FREM1: variants seen among roughly 807,000 people sequenced by gnomAD.
FREM1 encodes FRAS1 related extracellular matrix 1, also known as FRAS1-related extracellular matrix protein 1.
In FREM1, 220 loss-of-function variants were observed where a neutral mutation model predicts 210.1. The observed-to-expected ratio is 1.05, with a 90% confidence interval of 0.94 to 1.17. The LOEUF is 1.17. Ranked by LOEUF, FREM1 falls within the 50% of genes most tolerant of loss-of-function variation. FREM1 has a pLI of 0.00. For missense variants in FREM1, 3,454 were observed against 2,675.5 expected (o/e 1.29, Z -6.42); for synonymous variants, 1,189 against 980.2 (o/e 1.21, Z -3.98).
At chr9:14,869,551 T>C (rs1012112792) in intron 1 of FREM1, among the ~76,000 whole-genome samples, 2 of 152,236 alleles carry the variant, frequency 1.3e-5, no homozygotes, top group Non-Finnish European at 2.9e-5. Flanking sequence ...AGTGTGGCTT[T>C]TGTTCACTGA....
chr9:14,880,855 T>C (rs1457021708), intron 1 of FREM1, among the ~76,000 whole-genome samples: 1 of 152,216 alleles, frequency 6.6e-6, no homozygotes, highest in Admixed American at 6.5e-5. Context: ...TGTCATCATG[T>C]AATTATGTTG....
chr9:14,765,055 G>A (rs75373678), intron 27 of FREM1, among the ~76,000 whole-genome samples: 2 of 152,086 alleles, frequency 1.3e-5, no homozygotes, highest in South Asian at 4.1e-4. Context: ...TCAGCAAAAG[G>A]TTTACAGAAG....
chr9:14,877,380 C>T (rs1833952718), intron 1 of FREM1, among the ~76,000 whole-genome samples: 3 of 151,652 alleles, frequency 2.0e-5, no homozygotes, highest in African/African-American at 7.3e-5. Context: ...ACAGCAACTC[C>T]AACTTTTCAG....
In FREM1 at chr9:14,770,636, T is replaced by C. The variant is rs768267811; in HGVS notation, c.5028A>G (p.Pro1676=). 2.7e-5 allele frequency: 43 copies of C among 1,613,224 alleles called. No homozygotes were observed. Among genetic ancestry groups the C allele is most frequent in the African/African-American group, 4.0e-5 (3 of 74,902 alleles). The stretch of plus-strand genomic sequence containing the variant: ...TTGTGTTCTCCAGATGTCCATGTTT[T>C]GGGCCTTGTAGAATTTTAAAGATGA... ...DQIIFKILQG[P]KHGHLENTTT... is the part of the protein sequence containing the mutation. Residue 1676 remains proline, a synonymous_variant, in exon 26 of 37, where the codon CCA becomes CCG. Transcript: ENST00000380880.
At chr9:14,906,784 C>T (rs1424902045) in intron 1 of FREM1, among the ~76,000 whole-genome samples, 1 of 152,152 alleles carries the variant, frequency 6.6e-6, no homozygotes, top group Non-Finnish European at 1.5e-5. Flanking sequence ...AAGTACTAAG[C>T]AGCTGATAAT....
chr9:14,863,016 G>A (rs1172646852), intron 3 of FREM1, among the ~76,000 whole-genome samples: 2 of 151,872 alleles, frequency 1.3e-5, no homozygotes, highest in East Asian at 1.9e-4. Flanking sequence ...GTCTCCTACG[G>A]TCATTCCATG....
intron 13 of FREM1, among the ~76,000 whole-genome samples, chr9:14,821,158 T>G (rs573674611): frequency 6.6e-6 from 1 of 152,312 alleles, no homozygotes; most frequent in African/African-American, 2.4e-5. Flanking sequence ...TGGCCAGCTC[T>G]CTGCAGGAAT....
At chr9:14,785,211 C>T (rs1295311028) in intron 23 of FREM1, among the ~76,000 whole-genome samples, 1 of 152,188 alleles carries the variant, frequency 6.6e-6, no homozygotes, top group Non-Finnish European at 1.5e-5. Context: ...TGAATGTATA[C>T]ACAAACTGTG....
At chr9:14,823,047 T>C (rs553282175) in intron 13 of FREM1, 113 bp downstream of exon 13, 1 of 723,968 alleles carries the variant, frequency 1.4e-6, no homozygotes, top group African/African-American at 1.8e-5. Flanking sequence ...GATGGAAATT[T>C]CTTTTATAAG....
At chr9:14,880,296 G>T (rs1834556506) in intron 1 of FREM1, among the ~76,000 whole-genome samples, 1 of 152,116 alleles carries the variant, frequency 6.6e-6, no homozygotes, top group Admixed American at 6.5e-5. Flanking sequence ...GAAAAGAAGA[G>T]CATGCAATTA....
intron 7 of FREM1, among the ~76,000 whole-genome samples, chr9:14,848,165 A>G (rs995792150): frequency 1.3e-5 from 2 of 152,260 alleles, no homozygotes; most frequent in African/African-American, 4.8e-5. Flanking sequence ...ACATCTGATC[A>G]ACATATACAT....
Position 14,813,076 on chromosome 9 carries a change from A to G in FREM1, c.2641-12T>C. ...TTGACAGGGAATACCTAGGCAATGG[A>G]AAAAATGCATGTTTTCAGAAAAAGA... is the stretch of plus-strand genomic sequence containing the variant. On this transcript the variant is annotated splice_polypyrimidine_tract_variant and intron_variant, in intron 15 of 36. Transcript: ENST00000380880. 6.3e-7 allele frequency: 1 copy of G among 1,587,994 alleles called. No individual in the cohort carries two copies. The highest frequency in any genetic ancestry group is 1.7e-5 in the Admixed American group (1 of 57,350).
intron 1 of FREM1, among the ~76,000 whole-genome samples, chr9:14,909,283 T>C (rs551506053): frequency 6.6e-6 from 1 of 152,176 alleles, no homozygotes; most frequent in East Asian, 1.9e-4. Flanking sequence ...CAAAATAAAA[T>C]GAAAAGAAAC....
At chr9:14,760,757 C>A (rs1845342036) in intron 27 of FREM1, among the ~76,000 whole-genome samples, 1 of 152,166 alleles carries the variant, frequency 6.6e-6, no homozygotes, top group Non-Finnish European at 1.5e-5. Context: ...TCTACCATTT[C>A]TCTCCCCAAC....
intron 27 of FREM1, among the ~76,000 whole-genome samples, chr9:14,763,016 C>G (rs1482903897): frequency 6.6e-6 from 1 of 152,114 alleles, no homozygotes; most frequent in Non-Finnish European, 1.5e-5. Flanking sequence ...TCATATCTTC[C>G]CATTTTAACA....
chr9:14,846,493 G>A (rs1022481948), intron 7 of FREM1, among the ~76,000 whole-genome samples: 15 of 151,984 alleles, frequency 9.9e-5, no homozygotes, highest in African/African-American at 3.1e-4. Flanking sequence ...AAACCTACAC[G>A]TTCAGCACAT....
At chr9:14,768,484 G>A (rs932130864) in intron 27 of FREM1, among the ~76,000 whole-genome samples, 4 of 151,960 alleles carry the variant, frequency 2.6e-5, no homozygotes, top group African/African-American at 7.2e-5. Flanking sequence ...TTGTAATCTC[G>A]AGATTACATT....
intron 20 of FREM1, among the ~76,000 whole-genome samples, chr9:14,798,762 C>G (rs1420125993): frequency 2.6e-5 from 4 of 152,070 alleles, no homozygotes; most frequent in African/African-American, 9.7e-5. Flanking sequence ...CAACATCTAC[C>G]TCCTGGGTTC....
chr9:14,864,112 T>C (rs774711731), intron 2 of FREM1, among the ~76,000 whole-genome samples: 21 of 152,210 alleles, frequency 1.4e-4, no homozygotes, highest in Non-Finnish European at 1.2e-4. Flanking sequence ...GTTTTGAGAA[T>C]ATCTAAGTTG....
Sources: gnomAD v4.1 joint callset for allele counts (sites outside exome capture counted in the v4.1 genomes callset) on GRCh38, gnomAD v4.1.1 for gene constraint, MANE v1.5 for transcripts, NCBI Gene and HGNC (gene_info 2026-07-23, HGNC 2026-07-21) for gene names.